PHF3: variants seen among roughly 807,000 people sequenced by gnomAD.
The protein encoded by PHF3 is PHD finger protein 3.
A neutral mutation model predicts 178.4 loss-of-function variants in PHF3; 41 were observed. That is an observed-to-expected ratio of 0.23 (90% CI 0.18 to 0.30). The LOEUF is 0.30. PHF3 is among the 10% of genes least tolerant of loss of function. The probability of loss-of-function intolerance (pLI) is 1.00; values close to 1 mark genes in which losing one functional copy is unlikely to be tolerated. For synonymous variants in PHF3, 842 were observed against 800.5 expected (o/e 1.05, Z -0.88); for missense variants, 2,346 against 2,398.1 (o/e 0.98, Z 0.45).
chr6:63,638,502 G>A (rs1215457158), intron 1 of PHF3, among the ~76,000 whole-genome samples: 4 of 151,900 alleles, frequency 2.6e-5, no homozygotes, highest in African/African-American at 9.7e-5. Flanking sequence ...TGTTTTTTCT[G>A]GAGATAATAA....
At chr6:63,648,088 A>G (rs1764867086) in intron 2 of PHF3, among the ~76,000 whole-genome samples, 1 of 152,308 alleles carries the variant, frequency 6.6e-6, no homozygotes, top group South Asian at 2.1e-4. Flanking sequence ...ACTGGCTACT[A>G]GGAAGCTTCA....
intron 11 of PHF3, among the ~76,000 whole-genome samples, chr6:63,704,397 A>G (rs781140464): frequency 6.6e-5 from 10 of 151,556 alleles, no homozygotes; most frequent in Non-Finnish European, 1.5e-4. Flanking sequence ...CTGTCTATTC[A>G]TCCCTTCCCC....
intron 15 of PHF3, 82 bp from the exon 16 acceptor site, chr6:63,711,504 G>T (rs764944715): frequency 1.0e-4 from 138 of 1,385,336 alleles, no homozygotes; most frequent in Non-Finnish European, 1.3e-4. Flanking sequence ...TTAATATCCT[G>T]TAATAAGTTA....
In PHF3 at chr6:63,713,787, C is replaced by G; in HGVS notation, c.*79C>G. 8.2e-7 allele frequency: 1 copy of G among 1,222,596 alleles called. No individual in the cohort carries two copies. The highest frequency in any genetic ancestry group is 1.1e-6 in the Non-Finnish European group (1 of 893,590). 75.7% of individuals were successfully genotyped at this position (1,222,596 alleles called of 1,614,324 possible). A position where few individuals can be genotyped will look rare whatever the true frequency, so the allele number is the denominator to read the frequency against. On this transcript the variant is annotated 3_prime_UTR_variant, in exon 16 of 16. Transcript: ENST00000262043. ...TTGTAAACAAAAGAAAGATTGCCTG[C>G]TAGGATTGTGCCATCTTTAAAATTT...
chr6:63,653,355 T>C (rs1356880833), intron 2 of PHF3, among the ~76,000 whole-genome samples: 1 of 152,040 alleles, frequency 6.6e-6, no homozygotes, highest in African/African-American at 2.4e-5. Context: ...TTGATGTGTG[T>C]TCTCTTTAAT....
chr6:63,702,272 A>G (rs1283686975), intron 9 of PHF3: 3 of 228,280 alleles, frequency 1.3e-5, no homozygotes, highest in Non-Finnish European at 2.6e-5. Flanking sequence ...ATATAAATGT[A>G]CATGTGAACT....
At chr6:63,666,505 A>G (rs1009332438) in intron 2 of PHF3, among the ~76,000 whole-genome samples, 4 of 151,404 alleles carry the variant, frequency 2.6e-5, no homozygotes, top group Non-Finnish European at 4.4e-5. Context: ...CGCGGTATCC[A>G]TAGGGGATTG....
At position 63,636,121 on chromosome 6, in the gene PHF3, C is replaced by T; in HGVS notation, c.-55C>T. The stretch of plus-strand genomic sequence containing the variant: ...AGCGTCCACCATCTTCCTCTTGCTG[C>T]CAGTGGTAGCGCTCGTCTGGCGGAG... On this transcript the variant is annotated 5_prime_UTR_variant, in exon 1 of 16. Coordinates refer to ENST00000262043, the MANE Select transcript of PHF3 (RefSeq NM_001370348.2). 5.1e-6 allele frequency: 2 copies of T among 390,880 alleles called. No individual in the cohort carries two copies. The highest frequency in any genetic ancestry group is 9.0e-6 in the Non-Finnish European group (2 of 221,724). The allele number at this position is 390,880 out of a possible 1,614,324, so 24.2% of individuals were successfully genotyped here.
At chr6:63,657,391 T>A (rs1765281177) in intron 2 of PHF3, among the ~76,000 whole-genome samples, 1 of 152,166 alleles carries the variant, frequency 6.6e-6, no homozygotes, top group Non-Finnish European at 1.5e-5. Context: ...ACTTAAGTAC[T>A]AATAGCCTAT....
At chr6:63,662,054 G>A (rs1378798801) in intron 2 of PHF3, among the ~76,000 whole-genome samples, 2 of 152,100 alleles carry the variant, frequency 1.3e-5, no homozygotes, top group African/African-American at 2.4e-5. Flanking sequence ...TCATAGGAGC[G>A]CGAACCCTAT....
At chr6:63,639,581 A>G (rs754736916) in intron 1 of PHF3, among the ~76,000 whole-genome samples, 1 of 152,190 alleles carries the variant, frequency 6.6e-6, no homozygotes. Context: ...AGAGTGCATT[A>G]TAGAGTGTAA....
At chr6:63,670,664 C>G (rs1261145589) in intron 2 of PHF3, among the ~76,000 whole-genome samples, 1 of 152,166 alleles carries the variant, frequency 6.6e-6, no homozygotes, top group African/African-American at 2.4e-5. Context: ...AGGTTCTCAT[C>G]TGTTGAGATA....
Position 63,724,322 on chromosome 6 carries a change from A to G in PHF3, c.*10614A>G, listed in dbSNP as rs1768530664. The stretch of plus-strand genomic sequence containing the variant: ...AGATAAGAGAAACCTTGTAGGACCT[A>G]ATATTTGTGAAGAGACTACAGAATC... On this transcript the variant is annotated 3_prime_UTR_variant, in exon 16 of 16. Coordinates refer to ENST00000262043, the MANE Select transcript of PHF3 (RefSeq NM_001370348.2). 6.6e-6 allele frequency among the ~76,000 whole-genome samples: 1 copy of G among 152,174 alleles called. No homozygotes were observed. The highest frequency in any genetic ancestry group is 2.4e-5 in the African/African-American group (1 of 41,438).
chr6:63,689,444 A>G (rs905642831), intron 4 of PHF3, among the ~76,000 whole-genome samples: 3 of 152,132 alleles, frequency 2.0e-5, no homozygotes, highest in African/African-American at 7.2e-5. Flanking sequence ...CTGAGAAGAA[A>G]TTTTCTTCTA....
chr6:63,711,404 TG>T (rs1311407282), intron 15 of PHF3, 42 bp downstream of exon 15: 2 of 1,491,926 alleles, frequency 1.3e-6, no homozygotes, highest in Non-Finnish European at 1.8e-6. Context: ...TGAAATAACA[TG>T]GGAGGTGGGA....
Position 63,712,430 on chromosome 6 carries a change from T to A in PHF3, c.4842T>A (p.Ser1614=). The change falls in exon 16 of 16, where the codon TCT becomes TCA. Residue 1614 remains serine, a synonymous_variant. Coordinates refer to ENST00000262043, the MANE Select transcript of PHF3 (RefSeq NM_001370348.2). The part of the protein sequence containing the change: ...NLQDNQTSNS[S]PCRSNVGKGN... ...AAGATAACCAGACTTCAAATAGTTC[T>A]CCATGCAGATCTAATGTAGGAAAAG... 2 of 1,613,970 alleles carry A rather than the reference T, an allele frequency of 1.2e-6. No individual in the cohort carries two copies. Among genetic ancestry groups the A allele is most frequent in the Non-Finnish European group, 1.7e-6 (2 of 1,179,940 alleles).
chr6:63,672,934 CT>C (rs1765983709), intron 2 of PHF3, among the ~76,000 whole-genome samples: 4 of 152,168 alleles, frequency 2.6e-5, no homozygotes, highest in Admixed American at 2.6e-4. Context: ...TTTCCCTTCC[CT>C]TTTTTGTCTA....
chr6:63,700,323 T>C (rs774441823), intron 8 of PHF3, 27 bp from the exon 9 acceptor site: 1 of 1,139,524 alleles, frequency 8.8e-7, no homozygotes, highest in South Asian at 1.4e-5. Context: ...TGTCTCCCCT[T>C]CTATTCCTAT....
chr6:63,700,628 G>GGCT (rs1337205868), intron 9 of PHF3, among the ~76,000 whole-genome samples, 162 bp downstream of exon 9: 5 of 152,124 alleles, frequency 3.3e-5, no homozygotes, highest in African/African-American at 4.8e-5. Context: ...TCATTCGCCA[G>GGCT]GCTGGAGTGC....
Sources: allele counts gnomAD v4.1 joint callset (sites outside exome capture counted in the v4.1 genomes callset), GRCh38; gene constraint gnomAD v4.1.1; transcripts MANE v1.5; gene names NCBI Gene and HGNC (gene_info 2026-07-23, HGNC 2026-07-21).